ZFYVE9: variants seen among roughly 807,000 people sequenced by gnomAD.
ZFYVE9 encodes zinc finger FYVE domain-containing protein 9.
In ZFYVE9, 43 loss-of-function variants were observed where a neutral mutation model predicts 126.7. That is an observed-to-expected ratio of 0.34 (90% confidence interval 0.27 to 0.44). The LOEUF (loss-of-function observed/expected upper bound fraction) is 0.44. Among genes scored for constraint, ZFYVE9 ranks in the 20% least tolerant of loss-of-function variants. The pLI is 1.00. For missense variants in ZFYVE9, 1,476 were observed against 1,697.0 expected (o/e 0.87, Z 2.29); for synonymous variants, 521 against 597.4 (o/e 0.87, Z 1.87).
At chr1:52,274,963 T>C (rs1244801597) in intron 8 of ZFYVE9, among the ~76,000 whole-genome samples, 1 of 152,206 alleles carries the variant, frequency 6.6e-6, no homozygotes, top group East Asian at 1.9e-4. Flanking sequence ...AGAAAGAACG[T>C]ATAGTAAGTG....
chr1:52,248,562 C>T (rs1645413463), intron 4 of ZFYVE9, among the ~76,000 whole-genome samples: 1 of 152,182 alleles, frequency 6.6e-6, no homozygotes, highest in Non-Finnish European at 1.5e-5. Context: ...GTCAAGTTAA[C>T]ACTTAATACT....
chr1:52,259,398 T>A (rs12059032), intron 4 of ZFYVE9, among the ~76,000 whole-genome samples: 9,941 of 152,150 alleles, frequency 0.065, 750 homozygotes, highest in African/African-American at 0.18. Flanking sequence ...CTAATTTTTT[T>A]AAATTTTTTT....
intron 4 of ZFYVE9, among the ~76,000 whole-genome samples, chr1:52,249,386 G>C (rs1003947804): frequency 1.3e-5 from 2 of 152,154 alleles, no homozygotes; most frequent in Non-Finnish European, 2.9e-5. Flanking sequence ...GTATTTCTCT[G>C]ATGGTTAGTG....
intron 4 of ZFYVE9, 63 bp from the exon 5 acceptor site, chr1:52,263,710 C>T: frequency 1.2e-6 from 1 of 838,102 alleles, no homozygotes; most frequent in Non-Finnish European, 1.9e-6. Context: ...AATATTGGTT[C>T]ACTCTCTTTG....
chr1:52,188,960 T>C (rs907043256), intron 1 of ZFYVE9, among the ~76,000 whole-genome samples: 8 of 152,088 alleles, frequency 5.3e-5, no homozygotes, highest in African/African-American at 1.9e-4. Flanking sequence ...TATTTTGAGA[T>C]GGAGTCTTGC....
chr1:52,292,469 C>CTTT lies in ZFYVE9; in HGVS notation c.3026-964_3026-962dup, dbSNP rs1159852399. Among the ~76,000 whole-genome samples, 322 of 101,970 alleles carry CTTT rather than the reference C, an allele frequency of 3.2e-3. 6 individuals carry two copies. Among genetic ancestry groups the CTTT allele is most frequent in the African/African-American group, 8.8e-3 (216 of 24,590 alleles). The allele number at this position is 101,970 out of a possible 152,430, so 66.9% of individuals were successfully genotyped here. A position where few individuals can be genotyped will look rare whatever the true frequency, so the allele number is the denominator to read the frequency against. On this transcript the variant is annotated intron_variant, in intron 10 of 18. Coordinates refer to ENST00000287727, the MANE Select transcript of ZFYVE9 (RefSeq NM_004799.4). ...CAGCAGCTTCCTAATCTGAACATTT[C>CTTT]TTTTTTTTTTTTTTTTTTTTTTGAG... is the stretch of plus-strand genomic sequence containing the variant.
At chr1:52,176,436 A>G (rs1644629796) in intron 1 of ZFYVE9, among the ~76,000 whole-genome samples, 1 of 152,220 alleles carries the variant, frequency 6.6e-6, no homozygotes, top group Non-Finnish European at 1.5e-5. Context: ...TAGGCTGGTC[A>G]AGGGTCAAGG....
At chr1:52,336,368 G>GTTTTTTTTTTTTTTT (rs34890800) in intron 15 of ZFYVE9, among the ~76,000 whole-genome samples, 1 of 114,584 alleles carries the variant, frequency 8.7e-6, no homozygotes, top group African/African-American at 3.6e-5. Flanking sequence ...GGTTTTTTTT[G>GTTTTTTTTTTTTTTT]TTTTTTTTTT....
chr1:52,158,742 T>G (rs1644426800), intron 1 of ZFYVE9, among the ~76,000 whole-genome samples: 1 of 152,154 alleles, frequency 6.6e-6, no homozygotes, highest in African/African-American at 2.4e-5. Flanking sequence ...TTCAGTTGTT[T>G]GTTAGCTGCC....
At chr1:52,236,322 TCA>T (rs1226209528) in intron 3 of ZFYVE9, among the ~76,000 whole-genome samples, 5 of 152,150 alleles carry the variant, frequency 3.3e-5, no homozygotes, top group Non-Finnish European at 1.5e-5. Context: ...CAGAAATCAT[TCA>T]GTGGTTGAAA....
At chr1:52,284,609 CG>C (rs1334309240) in intron 10 of ZFYVE9, among the ~76,000 whole-genome samples, 2 of 151,954 alleles carry the variant, frequency 1.3e-5, no homozygotes, top group Non-Finnish European at 2.9e-5. Flanking sequence ...TTAGTAGAGA[CG>C]GGGTTTCACC....
At chr1:52,260,195 TCA>T (rs1022843970) in intron 4 of ZFYVE9, among the ~76,000 whole-genome samples, 9 of 152,110 alleles carry the variant, frequency 5.9e-5, no homozygotes, top group Non-Finnish European at 8.8e-5. Flanking sequence ...TTAGATATTA[TCA>T]GTGTTTAAAA....
At chr1:52,182,094 T>TG (rs1427961361) in intron 1 of ZFYVE9, among the ~76,000 whole-genome samples, 21 of 143,882 alleles carry the variant, frequency 1.5e-4, no homozygotes, top group East Asian at 6.4e-4. Flanking sequence ...CGGAGGGAGG[T>TG]GGGGGGGTCA....
chr1:52,152,867 T>C (rs1644370207), intron 1 of ZFYVE9, among the ~76,000 whole-genome samples: 1 of 152,206 alleles, frequency 6.6e-6, no homozygotes, highest in Non-Finnish European at 1.5e-5. Context: ...GAAATGGATG[T>C]AGTAGCACAA....
At chr1:52,254,682 A>C (rs1645486548) in intron 4 of ZFYVE9, among the ~76,000 whole-genome samples, 1 of 152,168 alleles carries the variant, frequency 6.6e-6, no homozygotes. Context: ...AAATTGGATA[A>C]TGGGCCAGGT....
At chr1:52,217,122 C>T (rs909046712) in intron 2 of ZFYVE9, among the ~76,000 whole-genome samples, 6 of 152,112 alleles carry the variant, frequency 3.9e-5, no homozygotes, top group Admixed American at 1.3e-4. Flanking sequence ...GCTGCTTGCA[C>T]CTATTACAAA....
At chr1:52,198,880 A>C (rs115469595) in intron 1 of ZFYVE9, among the ~76,000 whole-genome samples, 2,850 of 152,338 alleles carry the variant, frequency 0.019, 86 homozygotes, top group African/African-American at 0.065. Context: ...CTACATGGAT[A>C]CATCATTATC....
intron 1 of ZFYVE9, among the ~76,000 whole-genome samples, chr1:52,192,113 T>C (rs868427834): frequency 1.4e-4 from 21 of 152,004 alleles, no homozygotes; most frequent in African/African-American, 5.1e-4. Context: ...TGTGCAGAGC[T>C]ACCTGCCACT....
intron 1 of ZFYVE9, among the ~76,000 whole-genome samples, chr1:52,205,010 C>T (rs535199148): frequency 4.4e-4 from 66 of 149,500 alleles, no homozygotes; most frequent in African/African-American, 1.6e-3. Flanking sequence ...TAATTTGTGA[C>T]TTTTTTTGTA....
Sources: gnomAD v4.1 joint callset for allele counts (sites outside exome capture counted in the v4.1 genomes callset) on GRCh38, gnomAD v4.1.1 for gene constraint, MANE v1.5 for transcripts, NCBI Gene and HGNC (gene_info 2026-07-23, HGNC 2026-07-21) for gene names.